The following NAALADL2 variants were observed in gnomAD, a reference collection of about 807,000 sequenced individuals.
NAALADL2 encodes the protein N-acetylated alpha-linked acidic dipeptidase like 2.
In NAALADL2, 76 loss-of-function variants were observed where a neutral mutation model predicts 87.2. That is an observed-to-expected ratio of 0.87 (90% confidence interval 0.72 to 1.05). The LOEUF (loss-of-function observed/expected upper bound fraction) is 1.05, where lower values mean the gene tolerates loss of function less well. Among genes scored for constraint, NAALADL2 ranks in the 50% least tolerant of loss-of-function variants. NAALADL2 has a pLI of 0.00. For synonymous variants in NAALADL2, 354 were observed against 331.0 expected (o/e 1.07, Z -0.75); for missense variants, 1,089 against 945.8 (o/e 1.15, Z -1.99).
chr3:174,532,768 C>A (rs1173562799), intron 1 of NAALADL2, among the ~76,000 whole-genome samples: 1 of 152,076 alleles, frequency 6.6e-6, no homozygotes, highest in Non-Finnish European at 1.5e-5. Context: ...ACTCACTTCT[C>A]AACTTCACCA....
intron 9 of NAALADL2, among the ~76,000 whole-genome samples, chr3:175,543,702 C>T (rs996632795): frequency 3.9e-5 from 6 of 152,100 alleles, no homozygotes; most frequent in African/African-American, 1.4e-4. Context: ...TCAATTACCT[C>T]CCACCAGGTC....
chr3:174,843,075 C>T (rs545617222), intron 3 of NAALADL2, among the ~76,000 whole-genome samples: 2 of 152,160 alleles, frequency 1.3e-5, no homozygotes, highest in African/African-American at 4.8e-5. Flanking sequence ...GCATATCTAT[C>T]GCTTCATGAA....
intron 2 of NAALADL2, among the ~76,000 whole-genome samples, chr3:175,166,246 CTTA>C (rs1733988493): frequency 1.3e-5 from 2 of 152,022 alleles, no homozygotes; most frequent in East Asian, 1.9e-4. Flanking sequence ...TGCACATAAA[CTTA>C]TTATACAAAC....
At chr3:174,441,495 G>C (rs566713157) in intron 1 of NAALADL2, among the ~76,000 whole-genome samples, 4 of 152,114 alleles carry the variant, frequency 2.6e-5, no homozygotes, top group African/African-American at 9.7e-5. Flanking sequence ...CCGCGGGCCC[G>C]CGCGTTCGAA....
At chr3:175,492,812 A>G (rs527690669) in intron 9 of NAALADL2, among the ~76,000 whole-genome samples, 1 of 152,260 alleles carries the variant, frequency 6.6e-6, no homozygotes, top group Non-Finnish European at 1.5e-5. Flanking sequence ...TAATTACTGG[A>G]TGATAAGAAA....
In NAALADL2 at chr3:175,809,298, A is replaced by T. The variant is rs1754962222; in HGVS notation, c.*6095A>T. On this transcript the variant is annotated 3_prime_UTR_variant, in exon 14 of 14. Transcript: ENST00000454872. ...AAAGGTGTTATAAACAATTCTATTT[A>T]GCATCTGAGATAGGTCTATATTAGG... is the stretch of plus-strand genomic sequence containing the variant. 1 of 151,920 alleles carries T rather than the reference A, an allele frequency of 6.6e-6. No individual in the cohort carries two copies. The highest frequency in any genetic ancestry group is 2.4e-5 in the African/African-American group (1 of 41,422). The allele number at this position is 151,920 out of a possible 1,614,324, so 9.4% of individuals were successfully genotyped here. A position where few individuals can be genotyped will look rare whatever the true frequency, so the allele number is the denominator to read the frequency against.
intron 1 of NAALADL2, among the ~76,000 whole-genome samples, chr3:174,915,199 G>T (rs1274676899): frequency 1.3e-5 from 2 of 152,146 alleles, no homozygotes; most frequent in Non-Finnish European, 2.9e-5. Flanking sequence ...TCATATGAGT[G>T]TGGGTGGGGA....
chr3:174,737,876 A>G (rs188456676), intron 3 of NAALADL2: 11 of 152,326 alleles, frequency 7.2e-5, no homozygotes, highest in Non-Finnish European at 1.5e-5. Context: ...TGCAAGCATT[A>G]TTCTGTGGCA....
chr3:175,722,111 G>C (rs1009737840), intron 11 of NAALADL2, among the ~76,000 whole-genome samples: 1 of 151,960 alleles, frequency 6.6e-6, no homozygotes, highest in Non-Finnish European at 1.5e-5. Context: ...CTTAATCCCA[G>C]TTCTGGTCTT....
At chr3:174,610,369 T>C (rs1469666472) in intron 2 of NAALADL2, among the ~76,000 whole-genome samples, 1 of 150,150 alleles carries the variant, frequency 6.7e-6, no homozygotes. Context: ...ACCATCAGAG[T>C]GAACAGGCAA....
At chr3:174,898,112 CAAAAAAAA>C (rs913382744) in intron 1 of NAALADL2, among the ~76,000 whole-genome samples, 534 of 14,424 alleles carry the variant, frequency 0.037, no homozygotes, top group Admixed American at 0.13. Context: ...GACTCCGTCT[CAAAAAAAA>C]AAAAAAAAAA....
At chr3:175,615,364 A>T (rs1303668041) in intron 10 of NAALADL2, among the ~76,000 whole-genome samples, 1 of 152,222 alleles carries the variant, frequency 6.6e-6, no homozygotes, top group South Asian at 2.1e-4. Context: ...TTTCTGAAAA[A>T]AATTGTTTGA....
Position 175,796,022 on chromosome 3 carries a change from AC to A in NAALADL2, c.2190-6982del, listed in dbSNP as rs201332286. ...TGTTATTTCCTCTTCCAGCAGGCTA[AC>A]TAACCCCTTATTGTTCTTATTGGTA... On this transcript the variant is annotated intron_variant, in intron 13 of 13. Transcript: ENST00000454872. Among the ~76,000 whole-genome samples, 1,215 of 132,866 alleles carry A rather than the reference AC, an allele frequency of 9.1e-3. 5 individuals are homozygous for A. Among genetic ancestry groups the A allele is most frequent in the Non-Finnish European group, 0.014 (941 of 66,278 alleles). 87.2% of individuals were successfully genotyped at this position (132,866 alleles called of 152,430 possible).
chr3:175,363,508 G>A (rs1036104788), intron 5 of NAALADL2, among the ~76,000 whole-genome samples: 2 of 147,210 alleles, frequency 1.4e-5, no homozygotes, highest in Admixed American at 1.4e-4. Context: ...TCTTCCTTGT[G>A]TCTCTCTGTC....
intron 12 of NAALADL2, among the ~76,000 whole-genome samples, chr3:175,745,674 A>G (rs911391996): frequency 6.6e-6 from 1 of 152,198 alleles, no homozygotes; most frequent in Non-Finnish European, 1.5e-5. Flanking sequence ...TGCTAACTGT[A>G]TGTCCAAAAA....
chr3:175,419,089 T>G (rs1321000364), intron 5 of NAALADL2, among the ~76,000 whole-genome samples: 1 of 151,796 alleles, frequency 6.6e-6, no homozygotes, highest in Non-Finnish European at 1.5e-5. Flanking sequence ...ACCTGTCAAG[T>G]GTCAGAGCTG....
chr3:174,525,421 C>A (rs1720652017), intron 1 of NAALADL2, among the ~76,000 whole-genome samples: 1 of 152,184 alleles, frequency 6.6e-6, no homozygotes, highest in Non-Finnish European at 1.5e-5. Context: ...AGAGCAATAG[C>A]AAGAGCAAGA....
chr3:175,218,602 AAC>A (rs749726387), intron 2 of NAALADL2, among the ~76,000 whole-genome samples: 2 of 152,082 alleles, frequency 1.3e-5, no homozygotes, highest in Non-Finnish European at 1.5e-5. Flanking sequence ...CCTCAAATAT[AAC>A]AGTTATTTTC....
At chr3:175,669,174 C>T (rs7636207) in intron 11 of NAALADL2, among the ~76,000 whole-genome samples, 31,146 of 151,974 alleles carry the variant, frequency 0.2, 6,684 homozygotes, top group African/African-American at 0.55. Context: ...AAGTGCAGCC[C>T]AAACAAAATA....
Sources: gnomAD v4.1 joint callset for allele counts (sites outside exome capture counted in the v4.1 genomes callset) on GRCh38, gnomAD v4.1.1 for gene constraint, MANE v1.5 for transcripts, NCBI Gene and HGNC (gene_info 2026-07-23, HGNC 2026-07-21) for gene names.